EBAG9: variants seen among roughly 807,000 people sequenced by gnomAD.
The protein encoded by EBAG9 is estrogen receptor binding site associated antigen 9.
Under a neutral mutation model 30.9 loss-of-function variants are expected in EBAG9, and 16 were observed. The ratio of observed to expected loss-of-function variants is 0.52; its 90% CI spans 0.35 to 0.79. The LOEUF is 0.79. Among genes scored for constraint, EBAG9 ranks in the 30% least tolerant of loss-of-function variants. The pLI, the probability that EBAG9 is intolerant of heterozygous loss-of-function variation, is 0.01. For synonymous variants in EBAG9, 93 were observed against 82.8 expected (o/e 1.12, Z -0.67); for missense variants, 197 against 242.1 (o/e 0.81, Z 1.24).
intron 6 of EBAG9, chr8:109,563,334 A>G: frequency 1.9e-6 from 3 of 1,565,528 alleles, no homozygotes; most frequent in East Asian, 2.2e-5. Flanking sequence ...CCCAATTGTG[A>G]CCTGTAGCTT....
Position 109,561,059 on chromosome 8 carries a change from AC to A in EBAG9, c.521+131del. On this transcript the variant is annotated intron_variant, in intron 6 of 6. Coordinates refer to ENST00000337573, the MANE Select transcript of EBAG9 (RefSeq NM_004215.5). ...TTCATTTGATCCTTAGATAATAAGG[AC>A]TTTTTTTTTTGTATTTCAGACTGCA... 9 of 715,872 alleles carry A rather than the reference AC, an allele frequency of 1.3e-5. No individual in the cohort carries two copies. In the South Asian group the frequency reaches 1.7e-4, roughly 14 times the overall value. 44.3% of individuals were successfully genotyped at this position (715,872 alleles called of 1,614,324 possible). A position where few individuals can be genotyped will look rare whatever the true frequency, so the allele number is the denominator to read the frequency against.
At chr8:109,544,290 G>A (rs7819565) in intron 1 of EBAG9, among the ~76,000 whole-genome samples, 20,729 of 151,866 alleles carry the variant, frequency 0.14, 3,461 homozygotes, top group African/African-American at 0.4. Context: ...TATACTGCTT[G>A]TGCTTTTTTA....
At chr8:109,556,271 T>A (rs1335168869) in intron 4 of EBAG9, among the ~76,000 whole-genome samples, 2 of 152,126 alleles carry the variant, frequency 1.3e-5, no homozygotes, top group Non-Finnish European at 2.9e-5. Flanking sequence ...CTCAGCTGAT[T>A]TCAGCTATAC....
rs115395553 is a variant in EBAG9, at chr8:109,544,810, C to G, written c.-16+4349C>G. 6.2e-3 allele frequency among the ~76,000 whole-genome samples: 946 copies of G among 152,120 alleles called. 12 individuals carry two copies. The highest frequency in any genetic ancestry group is 0.022 in the African/African-American group (904 of 41,516). The stretch of plus-strand genomic sequence containing the variant: ...GATTAACAGATTTTTTTCCCTCTTT[C>G]GTGTGTATTTTGAGGCTCTTAGTCG... On this transcript the variant is annotated intron_variant, in intron 1 of 6. Transcript: ENST00000337573.
At chr8:109,560,765 A>T in intron 5 of EBAG9, 73 bp from the exon 6 acceptor site, 1 of 1,029,636 alleles carries the variant, frequency 9.7e-7, no homozygotes, top group South Asian at 1.4e-5. Flanking sequence ...GTGTTAAAAG[A>T]TACTCTTTTT....
intron 1 of EBAG9, among the ~76,000 whole-genome samples, chr8:109,543,707 A>G (rs1307545576): frequency 6.6e-6 from 1 of 152,094 alleles, no homozygotes; most frequent in Non-Finnish European, 1.5e-5. Flanking sequence ...TCAAGACTTT[A>G]GGAGTCTTGA....
At chr8:109,562,680 T>C (rs1821734201) in intron 6 of EBAG9, among the ~76,000 whole-genome samples, 1 of 151,788 alleles carries the variant, frequency 6.6e-6, no homozygotes, top group Admixed American at 6.6e-5. Context: ...TTGTCTCTTT[T>C]ATACTTTAGT....
At chr8:109,543,498 T>C (rs1821320436) in intron 1 of EBAG9, among the ~76,000 whole-genome samples, 1 of 152,214 alleles carries the variant, frequency 6.6e-6, no homozygotes, top group African/African-American at 2.4e-5. Context: ...TTTTATGTGT[T>C]TGTTTGGAAC....
chr8:109,539,890 C>A (rs907756896), upstream of EBAG9: 3 of 152,090 alleles, frequency 2.0e-5, no homozygotes, highest in East Asian at 5.8e-4. Context: ...TCGGAGCCTC[C>A]GCCGGGCGGG....
chr8:109,555,623 G>C (rs1454171643), intron 4 of EBAG9, among the ~76,000 whole-genome samples: 1 of 152,116 alleles, frequency 6.6e-6, no homozygotes, highest in African/African-American at 2.4e-5. Flanking sequence ...CAAACTGATA[G>C]GTAGAGTTTA....
intron 1 of EBAG9, among the ~76,000 whole-genome samples, chr8:109,546,117 T>C (rs554024524): frequency 5.1e-4 from 77 of 152,356 alleles, no homozygotes; most frequent in African/African-American, 1.7e-3. Context: ...TGTCCTAGTT[T>C]CCTAATGGAA....
chr8:109,554,701 G>T (rs1286142703), intron 3 of EBAG9, 28 bp from the exon 4 acceptor site: 1 of 1,596,818 alleles, frequency 6.3e-7, no homozygotes. Context: ...CCCCTTTGTG[G>T]CTGATAATGT....
At chr8:109,542,299 AAAC>A (rs1821292349) in intron 1 of EBAG9, among the ~76,000 whole-genome samples, 1 of 152,190 alleles carries the variant, frequency 6.6e-6, no homozygotes, top group Non-Finnish European at 1.5e-5. Flanking sequence ...GGGAAAAAAA[AAAC>A]AACCTTTAAA....
chr8:109,562,676 CTT>C (rs1265038868), intron 6 of EBAG9, among the ~76,000 whole-genome samples: 1 of 151,636 alleles, frequency 6.6e-6, no homozygotes, highest in East Asian at 1.9e-4. Flanking sequence ...TAAGTTGTCT[CTT>C]TTATACTTTA....
At chr8:109,541,703 C>A (rs1821279038) in intron 1 of EBAG9, among the ~76,000 whole-genome samples, 1 of 152,180 alleles carries the variant, frequency 6.6e-6, no homozygotes, top group South Asian at 2.1e-4. Flanking sequence ...AAGCTCATGA[C>A]AACTGGGAGT....
At chr8:109,542,367 A>G (rs562052661) in intron 1 of EBAG9, among the ~76,000 whole-genome samples, 3 of 152,310 alleles carry the variant, frequency 2.0e-5, no homozygotes, top group African/African-American at 7.2e-5. Context: ...TTATAAAACA[A>G]TGACACTAAC....
At position 109,564,660 on chromosome 8, in the gene EBAG9, TG is replaced by T; in HGVS notation, c.*102del. 1.9e-5 allele frequency: 29 copies of T among 1,501,966 alleles called. No individual in the cohort carries two copies. Among genetic ancestry groups the T allele is most frequent in the Middle Eastern group, 1.8e-4 (1 of 5,572 alleles). 93.0% of individuals were successfully genotyped at this position (1,501,966 alleles called of 1,614,324 possible). On this transcript the variant is annotated 3_prime_UTR_variant, in exon 7 of 7. Coordinates refer to ENST00000337573, the MANE Select transcript of EBAG9 (RefSeq NM_004215.5). ...GAGTATTTTAAGAAGACATACTGCT[TG>T]ATTTTAATACATTGATCAGGCCATC...
intron 1 of EBAG9, among the ~76,000 whole-genome samples, chr8:109,544,363 C>T (rs1821342108): frequency 6.6e-6 from 1 of 152,098 alleles, no homozygotes; most frequent in African/African-American, 2.4e-5. Flanking sequence ...GAAGTCAGCA[C>T]TCTAAATAAT....
intron 5 of EBAG9, among the ~76,000 whole-genome samples, chr8:109,560,351 C>G (rs1317731837): frequency 6.6e-6 from 1 of 152,128 alleles, no homozygotes; most frequent in Non-Finnish European, 1.5e-5. Context: ...TAAAAAATCT[C>G]CAGTAAGTTA....
Sources: allele counts gnomAD v4.1 joint callset (sites outside exome capture counted in the v4.1 genomes callset), GRCh38; gene constraint gnomAD v4.1.1; transcripts MANE v1.5; gene names NCBI Gene and HGNC (gene_info 2026-07-23, HGNC 2026-07-21).